Variants in ATRNL1 observed in about 807,000 individuals in gnomAD.
ATRNL1 encodes the protein attractin like 1, also known as attractin-like protein 1.
ATRNL1 carries 95 observed loss-of-function variants against 182.7 expected under a neutral mutation model. The observed-to-expected ratio is 0.52, with a 90% CI of 0.44 to 0.62. The LOEUF (loss-of-function observed/expected upper bound fraction) is 0.62, where lower values mean the gene tolerates loss of function less well. Ranked by LOEUF, ATRNL1 falls within the 20% of genes least tolerant of loss-of-function variation. The pLI, the probability that ATRNL1 is intolerant of heterozygous loss-of-function variation, is 0.00. For synonymous variants in ATRNL1, 576 were observed against 568.3 expected (o/e 1.01, Z -0.19); for missense variants, 1,471 against 1,679.5 (o/e 0.88, Z 2.17).
chr10:115,919,260 G>C (rs983908493), intron 28 of ATRNL1, among the ~76,000 whole-genome samples: 4 of 152,190 alleles, frequency 2.6e-5, no homozygotes, highest in Non-Finnish European at 4.4e-5. Context: ...AAGTAAGTAA[G>C]TTAACAAGAG....
chr10:115,218,965 A>G (rs1313619349), intron 9 of ATRNL1, among the ~76,000 whole-genome samples: 1 of 152,182 alleles, frequency 6.6e-6, no homozygotes, highest in Non-Finnish European at 1.5e-5. Context: ...GGCCGGGTAC[A>G]GTGGCTCACG....
intron 28 of ATRNL1, among the ~76,000 whole-genome samples, chr10:115,872,274 A>G (rs1161059985): frequency 6.6e-6 from 1 of 152,192 alleles, no homozygotes; most frequent in South Asian, 2.1e-4. Context: ...GTTCAGGAAT[A>G]TGTTGACAGA....
At chr10:115,278,057 C>A (rs894003160) in intron 13 of ATRNL1, among the ~76,000 whole-genome samples, 3 of 151,980 alleles carry the variant, frequency 2.0e-5, no homozygotes, top group Non-Finnish European at 4.4e-5. Context: ...ATCTTTTTAC[C>A]TTTTACTACT....
At chr10:115,532,755 T>C (rs1454057862) in intron 25 of ATRNL1, among the ~76,000 whole-genome samples, 11 of 151,610 alleles carry the variant, frequency 7.3e-5, no homozygotes, top group African/African-American at 2.7e-4. Flanking sequence ...TGATATTGGC[T>C]GTGGGTTTGT....
intron 8 of ATRNL1, among the ~76,000 whole-genome samples, chr10:115,208,652 A>T (rs1848898079): frequency 6.6e-6 from 1 of 152,068 alleles, no homozygotes; most frequent in Non-Finnish European, 1.5e-5. Flanking sequence ...TGCTTGGAGC[A>T]CAAACTGTTC....
At chr10:115,537,911 C>A (rs1852131697) in intron 25 of ATRNL1, among the ~76,000 whole-genome samples, 1 of 152,150 alleles carries the variant, frequency 6.6e-6, no homozygotes, top group African/African-American at 2.4e-5. Flanking sequence ...TACACGCTGG[C>A]AACCATTGAC....
intron 26 of ATRNL1, among the ~76,000 whole-genome samples, chr10:115,602,133 C>A (rs1475238058): frequency 6.6e-5 from 10 of 152,048 alleles, no homozygotes; most frequent in Admixed American, 6.6e-5. Flanking sequence ...GCAGGTGGCT[C>A]AACTAAGGTC....
intron 28 of ATRNL1, among the ~76,000 whole-genome samples, chr10:115,886,661 T>TC (rs1248182814): frequency 1.3e-5 from 2 of 152,212 alleles, no homozygotes; most frequent in African/African-American, 4.8e-5. Context: ...AGAACCATAA[T>TC]CCTAAAGAGC....
intron 1 of ATRNL1, among the ~76,000 whole-genome samples, chr10:115,105,396 T>G (rs1268913066): frequency 5.3e-5 from 8 of 152,140 alleles, no homozygotes; most frequent in Non-Finnish European, 1.0e-4. Flanking sequence ...ATTTGGGAAA[T>G]GTACAGCCTG....
chr10:115,204,963 CTTATAG>C (rs1313383244), intron 8 of ATRNL1, among the ~76,000 whole-genome samples: 3 of 152,036 alleles, frequency 2.0e-5, no homozygotes, highest in Admixed American at 6.6e-5. Context: ...GTGTTTCAAT[CTTATAG>C]TTGTAATGCT....
At chr10:115,457,564 T>C (rs1367705919) in intron 21 of ATRNL1, among the ~76,000 whole-genome samples, 1 of 152,082 alleles carries the variant, frequency 6.6e-6, no homozygotes, top group African/African-American at 2.4e-5. Flanking sequence ...TCCCTCTTTT[T>C]AATGACTATT....
intron 28 of ATRNL1, among the ~76,000 whole-genome samples, chr10:115,865,415 A>G (rs1490194224): frequency 5.3e-5 from 8 of 152,334 alleles, no homozygotes; most frequent in African/African-American, 1.9e-4. Context: ...TAAGTTGGTC[A>G]TATTCCAAAG....
intron 10 of ATRNL1, among the ~76,000 whole-genome samples, chr10:115,249,628 AG>A (rs1211021505): frequency 1.3e-5 from 2 of 152,170 alleles, no homozygotes; most frequent in African/African-American, 4.8e-5. Context: ...ATTAATATTT[AG>A]TACCTTAAAT....
intron 21 of ATRNL1, among the ~76,000 whole-genome samples, chr10:115,456,307 A>T (rs2134507068): frequency 6.6e-6 from 1 of 152,356 alleles, no homozygotes; most frequent in South Asian, 2.1e-4. Context: ...TGCAGCCATA[A>T]TAAAGAATGA....
intron 9 of ATRNL1, among the ~76,000 whole-genome samples, chr10:115,224,657 C>T (rs1205952482): frequency 6.7e-6 from 1 of 149,786 alleles, no homozygotes; most frequent in African/African-American, 2.4e-5. Context: ...GATATCATGA[C>T]AGATCACATA....
intron 26 of ATRNL1, among the ~76,000 whole-genome samples, chr10:115,684,233 A>G (rs1489100599): frequency 1.3e-5 from 2 of 151,224 alleles, no homozygotes; most frequent in Admixed American, 6.6e-5. Context: ...AGTATATAGT[A>G]TATAATATTT....
chr10:115,353,891 C>T (rs554618627), intron 19 of ATRNL1, among the ~76,000 whole-genome samples: 132 of 152,292 alleles, frequency 8.7e-4, no homozygotes, highest in Admixed American at 8.6e-3. Context: ...CTAACTCCCT[C>T]CTACTTTTTG....
chr10:115,555,767 G>A (rs1226300086), intron 26 of ATRNL1, among the ~76,000 whole-genome samples: 21 of 151,930 alleles, frequency 1.4e-4, no homozygotes, highest in Admixed American at 1.4e-3. Context: ...GAAATTGTGG[G>A]TCTGTTGGTA....
At chr10:115,288,189 T>C (rs1852720336) in intron 15 of ATRNL1, among the ~76,000 whole-genome samples, 2 of 152,182 alleles carry the variant, frequency 1.3e-5, no homozygotes, top group Non-Finnish European at 2.9e-5. Context: ...GCAATAAACA[T>C]GAGAATGCAG....
Sources: gnomAD v4.1 joint callset for allele counts (sites outside exome capture counted in the v4.1 genomes callset) on GRCh38, gnomAD v4.1.1 for gene constraint, MANE v1.5 for transcripts, NCBI Gene and HGNC (gene_info 2026-07-23, HGNC 2026-07-21) for gene names.